PDE7B: variants seen among roughly 807,000 people sequenced by gnomAD.
The protein encoded by PDE7B is phosphodiesterase 7B, also known as 3',5'-cyclic-AMP phosphodiesterase 7B.
PDE7B carries 29 observed loss-of-function variants against 56.2 expected under a neutral mutation model. That is an observed-to-expected ratio of 0.52 (90% confidence interval 0.38 to 0.70). The LOEUF (loss-of-function observed/expected upper bound fraction) is 0.70, where lower values mean the gene tolerates loss of function less well. Ranked by LOEUF, PDE7B falls within the 30% of genes least tolerant of loss-of-function variation. The pLI, the probability that PDE7B is intolerant of heterozygous loss-of-function variation, is 0.00. For missense variants in PDE7B, 490 were observed against 565.0 expected, an observed-to-expected ratio of 0.87 and a Z score of 1.35; for synonymous variants, 197 against 196.9, an observed-to-expected ratio of 1.00 and a Z score of 0.00.
chr6:136,038,605 C>A, intron 2 of PDE7B: 3 of 1,119,708 alleles, frequency 2.7e-6, no homozygotes, highest in South Asian at 3.1e-5. Context: ...GAGTCCAAGC[C>A]ATAGGGAGGA....
chr6:135,873,832 C>G (rs1775437710), intron 1 of PDE7B, among the ~76,000 whole-genome samples: 1 of 152,006 alleles, frequency 6.6e-6, no homozygotes, highest in Admixed American at 6.6e-5. Flanking sequence ...AATAATATGA[C>G]AGACATCCAT....
rs931798955 is a variant in PDE7B, at chr6:136,187,256, A to G, written c.1126+140A>G. ...CATCCTTTTGAATGGCTGAGTCCAA[A>G]TTAATACTTTAATCATGACTAATCT... On this transcript the variant is annotated intron_variant, in intron 12 of 12. Coordinates refer to ENST00000308191, the MANE Select transcript of PDE7B (RefSeq NM_018945.4). 43 of 596,588 alleles carry G rather than the reference A, an allele frequency of 7.2e-5. No individual in the cohort carries two copies. The East Asian group carries it at 1.2e-3, about 16-fold the overall frequency. The allele number at this position is 596,588 out of a possible 1,614,324, so 37.0% of individuals were successfully genotyped here. A position where few individuals can be genotyped will look rare whatever the true frequency, so the allele number is the denominator to read the frequency against.
At chr6:136,059,004 CT>C (rs1446639552) in intron 2 of PDE7B, among the ~76,000 whole-genome samples, 1 of 152,132 alleles carries the variant, frequency 6.6e-6, no homozygotes, top group African/African-American at 2.4e-5. Context: ...ATGATTATGT[CT>C]TTTTAGATGC....
chr6:136,063,615 C>T (rs890576898), intron 2 of PDE7B, among the ~76,000 whole-genome samples: 30 of 152,172 alleles, frequency 2.0e-4, no homozygotes, highest in African/African-American at 7.0e-4. Context: ...GGGAAATCTT[C>T]CCGTGGCTCC....
rs73564640 is a variant in PDE7B at position 136,058,058 on chromosome 6, A to T, written c.83-50673A>T. Among the ~76,000 whole-genome samples, 898 of 152,254 alleles carry T rather than the reference A, an allele frequency of 5.9e-3. 5 individuals are homozygous for T. Among genetic ancestry groups the T allele is most frequent in the African/African-American group, 0.02 (826 of 41,530 alleles). On this transcript the variant is annotated intron_variant, in intron 2 of 12. Coordinates refer to ENST00000308191, the MANE Select transcript of PDE7B (RefSeq NM_018945.4). ...GCCTCTGCTCACAATTTAATAATGC[A>T]AAAAGACAATCTATAACACATTGCC...
chr6:136,151,056 T>G (rs948283113), intron 5 of PDE7B, 104 bp from the exon 6 acceptor site: 6 of 632,168 alleles, frequency 9.5e-6, no homozygotes, highest in Non-Finnish European at 1.7e-5. Flanking sequence ...GGAAAAAATA[T>G]TCTATCACAG....
chr6:136,030,586 A>C (rs1262688926), intron 2 of PDE7B, among the ~76,000 whole-genome samples: 1 of 152,048 alleles, frequency 6.6e-6, no homozygotes, highest in Non-Finnish European at 1.5e-5. Flanking sequence ...TTCCATCTTT[A>C]TCTCTTTGAG....
chr6:136,138,542 C>A (rs552955493), intron 3 of PDE7B, among the ~76,000 whole-genome samples: 1 of 149,354 alleles, frequency 6.7e-6, no homozygotes, highest in African/African-American at 2.4e-5. Flanking sequence ...GCACGTTCTT[C>A]CCCTTTAGAA....
intron 3 of PDE7B, among the ~76,000 whole-genome samples, chr6:136,109,760 C>T (rs547167116): frequency 6.6e-6 from 1 of 152,282 alleles, no homozygotes; most frequent in South Asian, 2.1e-4. Flanking sequence ...GTCATCCCTC[C>T]AGATTTCATG....
At chr6:136,123,002 G>T (rs758747137) in intron 3 of PDE7B, among the ~76,000 whole-genome samples, 9 of 152,186 alleles carry the variant, frequency 5.9e-5, no homozygotes, top group Non-Finnish European at 1.0e-4. Context: ...GCACCTATGT[G>T]TCAGGCGCTC....
intron 2 of PDE7B, among the ~76,000 whole-genome samples, chr6:136,050,701 T>C (rs1294978234): frequency 6.6e-6 from 1 of 152,158 alleles, no homozygotes; most frequent in Non-Finnish European, 1.5e-5. Flanking sequence ...GCAAAAGTAG[T>C]GGTGACCATG....
At chr6:135,864,716 T>C (rs949515772) in intron 1 of PDE7B, among the ~76,000 whole-genome samples, 1 of 152,156 alleles carries the variant, frequency 6.6e-6, no homozygotes, top group Non-Finnish European at 1.5e-5. Flanking sequence ...CGTGATATTG[T>C]TTAACAATTT....
At chr6:136,150,703 G>A (rs912790407) in intron 5 of PDE7B, among the ~76,000 whole-genome samples, 2 of 152,138 alleles carry the variant, frequency 1.3e-5, no homozygotes, top group African/African-American at 4.8e-5. Context: ...ATCTCCTCTT[G>A]AGTGATTTTC....
chr6:136,137,466 C>G (rs1231467119), intron 3 of PDE7B, among the ~76,000 whole-genome samples: 1 of 152,116 alleles, frequency 6.6e-6, no homozygotes, highest in Non-Finnish European at 1.5e-5. Context: ...GGGTGCTTAA[C>G]AGTCAGCTCT....
At position 136,166,793 on chromosome 6, in the gene PDE7B, C is replaced by T. The variant is rs1778800950; in HGVS notation, c.712-7004C>T. On this transcript the variant is annotated intron_variant, in intron 8 of 12. Transcript: ENST00000308191. The stretch of plus-strand genomic sequence containing the variant: ...CATTTCAACCTGTTTCTCCCCTTAC[C>T]CCTACCAAAGTCTGTTGTCAACATA... Among the ~76,000 whole-genome samples, 2 of 152,144 alleles carry T rather than the reference C, an allele frequency of 1.3e-5. 1 individual carries two copies. Among genetic ancestry groups the T allele is most frequent in the South Asian group, 4.1e-4 (2 of 4,824 alleles).
intron 1 of PDE7B, among the ~76,000 whole-genome samples, chr6:135,908,084 A>G (rs1188772025): frequency 7.0e-6 from 1 of 142,564 alleles, no homozygotes; most frequent in East Asian, 1.9e-4. Context: ...AGGTTTGTCA[A>G]CTGCTTTTTT....
chr6:136,183,381 C>A (rs532367934), intron 11 of PDE7B, among the ~76,000 whole-genome samples: 78 of 152,008 alleles, frequency 5.1e-4, no homozygotes, highest in African/African-American at 1.9e-3. Flanking sequence ...ATCATGAGGT[C>A]AGGAGATAGA....
chr6:135,944,037 G>A (rs1226489938), intron 1 of PDE7B, among the ~76,000 whole-genome samples: 6 of 152,164 alleles, frequency 3.9e-5, no homozygotes, highest in Non-Finnish European at 8.8e-5. Flanking sequence ...GATATTTCAG[G>A]CACAGAAGAC....
intron 2 of PDE7B, among the ~76,000 whole-genome samples, chr6:135,952,724 T>G (rs1359499614): frequency 6.6e-6 from 1 of 152,094 alleles, no homozygotes; most frequent in East Asian, 1.9e-4. Flanking sequence ...AGCTCAGAGA[T>G]AAACTGGGGA....
Sources: gnomAD v4.1 joint callset for allele counts (sites outside exome capture counted in the v4.1 genomes callset) on GRCh38, gnomAD v4.1.1 for gene constraint, MANE v1.5 for transcripts, NCBI Gene and HGNC (gene_info 2026-07-23, HGNC 2026-07-21) for gene names.